The following COL11A1 variants were observed in gnomAD, a reference collection of about 807,000 sequenced individuals.
COL11A1 encodes collagen type XI alpha 1 chain.
A neutral mutation model predicts 265.2 loss-of-function variants in COL11A1; 74 were observed. The observed-to-expected ratio is 0.28, with a 90% CI of 0.23 to 0.34. The LOEUF (loss-of-function observed/expected upper bound fraction) is 0.34. Ranked by LOEUF, COL11A1 falls within the 10% of genes least tolerant of loss-of-function variation. The pLI is 1.00. For synonymous variants in COL11A1, 816 were observed against 727.6 expected, an observed-to-expected ratio of 1.12 and a Z score of -1.96; for missense variants, 2,165 against 2,263.6, an observed-to-expected ratio of 0.96 and a Z score of 0.88.
intron 14 of COL11A1, among the ~76,000 whole-genome samples, chr1:103,009,623 G>A (rs1665936267): frequency 6.6e-6 from 1 of 152,078 alleles, no homozygotes; most frequent in Admixed American, 6.6e-5. Context: ...GAAATACTGT[G>A]TGTTCTAAAA....
rs188206621 is a variant in COL11A1, at chr1:103,007,019, A to T, written c.1684-704T>A. 3.2e-3 allele frequency among the ~76,000 whole-genome samples: 490 copies of T among 150,788 alleles called. 1 individual carries two copies. The highest frequency in any genetic ancestry group is 5.3e-3 in the Non-Finnish European group (359 of 67,706). Reference sequence around the variant, plus strand: ...TTCTCTCATTTGTTGGATGTTCTTTACTAGATATTTCTCCTTTCATTGCGC... The same window carrying T: ...TTCTCTCATTTGTTGGATGTTCTTTTCTAGATATTTCTCCTTTCATTGCGC... On this transcript the variant is annotated intron_variant, in intron 15 of 66. Transcript: ENST00000370096.
chr1:102,900,967 G>T (rs1653113375), intron 54 of COL11A1, among the ~76,000 whole-genome samples: 2 of 152,018 alleles, frequency 1.3e-5, no homozygotes, highest in Non-Finnish European at 2.9e-5. Context: ...AGTCAAGTGG[G>T]ACCTAATAGA....
At chr1:102,900,260 T>C (rs1451625863) in intron 54 of COL11A1, among the ~76,000 whole-genome samples, 2 of 152,118 alleles carry the variant, frequency 1.3e-5, no homozygotes, top group South Asian at 2.1e-4. Context: ...GGAATCAATA[T>C]GCTAATAATA....
At chr1:103,004,293 T>G in intron 20 of COL11A1, 151 bp downstream of exon 20, 1 of 625,128 alleles carries the variant, frequency 1.6e-6, no homozygotes, top group Non-Finnish European at 2.8e-6. Context: ...CTATATATCC[T>G]TTTTAATTTT....
At chr1:102,880,093 A>T in intron 65 of COL11A1, 177 bp from the exon 66 acceptor site, 1 of 592,154 alleles carries the variant, frequency 1.7e-6, no homozygotes, top group South Asian at 2.0e-5. Flanking sequence ...CAGAGACAAG[A>T]TTTTATGAAT....
At chr1:103,059,843 G>C (rs1670525725) in intron 4 of COL11A1, among the ~76,000 whole-genome samples, 2 of 151,894 alleles carry the variant, frequency 1.3e-5, no homozygotes, top group South Asian at 2.1e-4. Context: ...AAAAAGCTGG[G>C]AAATACAAAA....
At chr1:103,072,809 C>T (rs565233843) in intron 4 of COL11A1, among the ~76,000 whole-genome samples, 9 of 151,768 alleles carry the variant, frequency 5.9e-5, no homozygotes, top group Non-Finnish European at 1.5e-5. Context: ...AATCTTATAT[C>T]TGATGGCTGT....
At chr1:102,971,207 C>G (rs1040270931) in intron 36 of COL11A1, among the ~76,000 whole-genome samples, 4 of 152,174 alleles carry the variant, frequency 2.6e-5, no homozygotes, top group Admixed American at 2.0e-4. Flanking sequence ...TGAAGTACCA[C>G]AGAGCAAATC....
At chr1:103,058,468 T>C (rs1198438705) in intron 4 of COL11A1, among the ~76,000 whole-genome samples, 2 of 152,302 alleles carry the variant, frequency 1.3e-5, no homozygotes, top group East Asian at 1.9e-4. Flanking sequence ...CATTCATAAC[T>C]CTTGGATTCA....
At chr1:102,989,337 T>C (rs1177386035) in intron 29 of COL11A1, among the ~76,000 whole-genome samples, 181 bp downstream of exon 29, 2 of 152,158 alleles carry the variant, frequency 1.3e-5, no homozygotes, top group Admixed American at 6.6e-5. Context: ...CAATTGATAC[T>C]ACACTATCTC....
chr1:103,024,099 G>C (rs1270363292), intron 7 of COL11A1, among the ~76,000 whole-genome samples: 2 of 152,046 alleles, frequency 1.3e-5, no homozygotes, highest in Non-Finnish European at 2.9e-5. Context: ...TTATGATCAT[G>C]ATGAGGCTCA....
At chr1:102,945,843 C>T (rs1659205285) in intron 42 of COL11A1, among the ~76,000 whole-genome samples, 1 of 151,900 alleles carries the variant, frequency 6.6e-6, no homozygotes. Context: ...ACCCAAAGGA[C>T]TATAAATCAT....
At position 102,949,459 on chromosome 1, in the gene COL11A1, A is replaced by G. The variant is rs1031000961; in HGVS notation, c.3169-2503T>C. Among the ~76,000 whole-genome samples the G allele has an allele frequency of 3.3e-5, 5 of 150,206 alleles. No homozygotes were observed. In the East Asian group the frequency reaches 9.6e-4, roughly 29 times the overall value. Reference sequence around the variant, plus strand: ...TGTTTAAACCCTAACTGTTCAAAGAATACCCTAGGAAGATATCACACTAGG... The same window carrying G: ...TGTTTAAACCCTAACTGTTCAAAGAGTACCCTAGGAAGATATCACACTAGG... On this transcript the variant is annotated intron_variant, in intron 41 of 66. Transcript: ENST00000370096.
At chr1:102,887,303 T>C (rs143129022) in intron 62 of COL11A1, among the ~76,000 whole-genome samples, 1 of 152,210 alleles carries the variant, frequency 6.6e-6, no homozygotes, top group East Asian at 1.9e-4. Flanking sequence ...ATCTATACAA[T>C]AATATAGCAC....
chr1:103,082,402 A>T (rs1026480383), intron 2 of COL11A1, among the ~76,000 whole-genome samples: 1 of 152,060 alleles, frequency 6.6e-6, no homozygotes, highest in South Asian at 2.1e-4. Context: ...TAACTTAGAA[A>T]GTCATTAAGG....
intron 22 of COL11A1, 45 bp downstream of exon 22, chr1:103,002,702 G>A (rs544599662): frequency 1.3e-6 from 2 of 1,536,142 alleles, no homozygotes; most frequent in Admixed American, 3.3e-5. Flanking sequence ...GTTTCTTAGG[G>A]CTTATATTCA....
intron 8 of COL11A1, 98 bp downstream of exon 8, chr1:103,022,644 C>A: frequency 3.4e-6 from 5 of 1,452,300 alleles, no homozygotes; most frequent in Non-Finnish European, 4.8e-6. Flanking sequence ...AAAAATTCAA[C>A]CTGCATTTTA....
chr1:102,891,434 T>C lies in COL11A1; in HGVS notation c.4303-930A>G, dbSNP rs114464279. Reference sequence around the variant, plus strand: ...TTCTATTTCAATAATTTAACGTTTTTAATAGTCCCAGACTAAGACATTTAT... The same window carrying C: ...TTCTATTTCAATAATTTAACGTTTTCAATAGTCCCAGACTAAGACATTTAT... On this transcript the variant is annotated intron_variant, in intron 57 of 66. Transcript: ENST00000370096. Among the ~76,000 whole-genome samples the C allele has an allele frequency of 8.8e-3, 1,336 of 152,086 alleles. 18 individuals carry two copies. The highest frequency in any genetic ancestry group is 0.031 in the African/African-American group (1,274 of 41,532).
intron 3 of COL11A1, among the ~76,000 whole-genome samples, chr1:103,077,000 C>T (rs955163843): frequency 3.3e-5 from 5 of 151,950 alleles, no homozygotes; most frequent in South Asian, 2.1e-4. Flanking sequence ...AAGTATGTCA[C>T]TTTTTAACTG....
Sources: gnomAD v4.1 joint callset for allele counts (sites outside exome capture counted in the v4.1 genomes callset) on GRCh38, gnomAD v4.1.1 for gene constraint, MANE v1.5 for transcripts, NCBI Gene and HGNC (gene_info 2026-07-23, HGNC 2026-07-21) for gene names.